Variants in BMPR2 observed in about 807,000 individuals in gnomAD.
BMPR2 encodes the protein bone morphogenetic protein receptor type-2.
A neutral mutation model predicts 100.8 loss-of-function variants in BMPR2; 29 were observed. That is an observed-to-expected ratio of 0.29 (90% CI 0.21 to 0.39). BMPR2 has a LOEUF of 0.39. Among genes scored for constraint, BMPR2 ranks in the 10% least tolerant of loss-of-function variants. The pLI is 1.00. For synonymous variants in BMPR2, 382 were observed against 442.3 expected, an observed-to-expected ratio of 0.86 and a Z score of 1.71; for missense variants, 1,011 against 1,274.5, an observed-to-expected ratio of 0.79 and a Z score of 3.15.
intron 1 of BMPR2, among the ~76,000 whole-genome samples, chr2:202,404,194 GTT>G (rs747014208): frequency 7.5e-6 from 1 of 133,776 alleles, no homozygotes. Context: ...TCTTTGGGTT[GTT>G]TTTTTTTTTT....
At chr2:202,468,153 G>T (rs1194597238) in intron 3 of BMPR2, among the ~76,000 whole-genome samples, 1 of 151,834 alleles carries the variant, frequency 6.6e-6, no homozygotes. Context: ...GACTTCCAAG[G>T]CATCAATATA....
In BMPR2 at chr2:202,500,698, C is replaced by T. The variant is rs149094475; in HGVS notation, c.419-13021C>T. Among the ~76,000 whole-genome samples, 372 of 152,304 alleles carry T rather than the reference C, an allele frequency of 2.4e-3. 1 individual carries two copies. The highest frequency in any genetic ancestry group is 3.1e-3 in the Non-Finnish European group (211 of 68,026). On this transcript the variant is annotated intron_variant, in intron 3 of 12. Coordinates refer to ENST00000374580, the MANE Select transcript of BMPR2 (RefSeq NM_001204.7). ...CAATTCTGGGAGTACAAAAACCAAA[C>T]GGTCAGTGGAGTCTAGTGCAAGATC...
Position 202,555,507 on chromosome 2 carries a change from C to G in BMPR2, c.1842C>G (p.Thr614=), listed in dbSNP as rs1372907844. ...SVTSLSTNTT[T]TNTTGLTPST... Reference sequence around the variant, plus strand: ...CCAGCCTCTCCACCAACACAACAACCACAAACACCACAGGACTCACGCCAA... The same window carrying G: ...CCAGCCTCTCCACCAACACAACAACGACAAACACCACAGGACTCACGCCAA... The change falls in exon 12 of 13, where the codon ACC becomes ACG. Residue 614 remains threonine, a synonymous_variant. Coordinates refer to ENST00000374580, the MANE Select transcript of BMPR2 (RefSeq NM_001204.7). 4 of 1,613,994 alleles carry G rather than the reference C, an allele frequency of 2.5e-6. No homozygotes were observed. Among genetic ancestry groups the G allele is most frequent in the Non-Finnish European group, 3.4e-6 (4 of 1,179,992 alleles).
At chr2:202,481,283 A>G (rs967913345) in intron 3 of BMPR2, among the ~76,000 whole-genome samples, 40 of 151,990 alleles carry the variant, frequency 2.6e-4, no homozygotes, top group Non-Finnish European at 5.0e-4. Flanking sequence ...GGTTCAAGCA[A>G]TTCTCCTGCC....
chr2:202,530,915 G>C lies in BMPR2; in HGVS notation c.1089G>C (p.Leu363=). 2 of 1,614,114 alleles carry C rather than the reference G, an allele frequency of 1.2e-6. No individual in the cohort carries two copies. The highest frequency in any genetic ancestry group is 1.7e-6 in the Non-Finnish European group (2 of 1,180,012). ...GLSMRLTGNR[L]VRPGEEDNAA... is the part of the protein sequence containing the mutation. Reference sequence around the variant, plus strand: ...CCATGAGGCTGACTGGAAATAGACTGGTGCGCCCAGGGGAGGAAGATAATG... The same window carrying C: ...CCATGAGGCTGACTGGAAATAGACTCGTGCGCCCAGGGGAGGAAGATAATG... The change falls in exon 8 of 13, where the codon CTG becomes CTC. Residue 363 remains leucine, a synonymous_variant. Coordinates refer to ENST00000374580, the MANE Select transcript of BMPR2 (RefSeq NM_001204.7).
In BMPR2 at chr2:202,555,848, A is replaced by G; in HGVS notation, c.2183A>G (p.Asn728Ser). 1 of 1,614,118 alleles carries G rather than the reference A, an allele frequency of 6.2e-7. No homozygotes were observed. Among genetic ancestry groups the G allele is most frequent in the South Asian group, 1.1e-5 (1 of 91,072 alleles). ...TGQQDFTQTANGQACLIPDVL... is the reference protein window; with the variant it reads ...TGQQDFTQTASGQACLIPDVL... ...CAGCAGGACTTCACACAGACTGCAA[A>G]TGGCCAAGCATGTTTGATTCCTGAT... The change falls in exon 12 of 13, where the codon AAT becomes AGT. Residue 728 changes from asparagine (N) to serine (S), a missense_variant. Physicochemically the swap from Asn to Ser is conservative, Grantham distance 46. Coordinates refer to ENST00000374580, the MANE Select transcript of BMPR2 (RefSeq NM_001204.7).
chr2:202,384,415 G>A (rs1690372967), intron 1 of BMPR2, among the ~76,000 whole-genome samples: 1 of 152,168 alleles, frequency 6.6e-6, no homozygotes, highest in Admixed American at 6.5e-5. Flanking sequence ...ATTGGCCTAA[G>A]AATTTTAGAT....
chr2:202,412,589 G>T (rs575373970), intron 1 of BMPR2, among the ~76,000 whole-genome samples: 1 of 152,144 alleles, frequency 6.6e-6, no homozygotes, highest in East Asian at 1.9e-4. Context: ...AAAGTGCTGG[G>T]ATTACAGGCG....
intron 10 of BMPR2, among the ~76,000 whole-genome samples, chr2:202,544,580 A>G (rs1056560422): frequency 6.6e-6 from 1 of 151,620 alleles, no homozygotes; most frequent in African/African-American, 2.4e-5. Flanking sequence ...TTTTTGTTTT[A>G]TCCTCTTAAT....
At chr2:202,468,024 G>C (rs1003424682) in intron 3 of BMPR2, among the ~76,000 whole-genome samples, 1 of 152,180 alleles carries the variant, frequency 6.6e-6, no homozygotes, top group South Asian at 2.1e-4. Flanking sequence ...TCCAGCCTGG[G>C]CAACAAGAGT....
At chr2:202,439,080 T>A (rs1031295374) in intron 1 of BMPR2, among the ~76,000 whole-genome samples, 1 of 150,434 alleles carries the variant, frequency 6.6e-6, no homozygotes, top group African/African-American at 2.5e-5. Flanking sequence ...AAATATTAAG[T>A]CTTATAATCA....
chr2:202,492,042 G>A (rs1692912322), intron 3 of BMPR2, among the ~76,000 whole-genome samples: 1 of 152,012 alleles, frequency 6.6e-6, no homozygotes, highest in Non-Finnish European at 1.5e-5. Flanking sequence ...TTACTGAACT[G>A]AAGAAGCAAG....
intron 1 of BMPR2, among the ~76,000 whole-genome samples, chr2:202,380,922 G>GCC (rs1429446073): frequency 9.6e-6 from 1 of 104,138 alleles, no homozygotes; most frequent in Non-Finnish European, 2.3e-5. Context: ...CCTGGCCCTG[G>GCC]CCCTGGCCCT....
chr2:202,440,148 C>T (rs1691702868), intron 1 of BMPR2, among the ~76,000 whole-genome samples: 1 of 150,796 alleles, frequency 6.6e-6, no homozygotes, highest in Non-Finnish European at 1.5e-5. Context: ...ACAATCTGAT[C>T]TCTCTTTCTT....
chr2:202,402,337 T>G (rs962034084), intron 1 of BMPR2, among the ~76,000 whole-genome samples: 1 of 151,710 alleles, frequency 6.6e-6, no homozygotes, highest in Admixed American at 6.6e-5. Context: ...ACCAACATGG[T>G]GAAACCCTGT....
chr2:202,497,409 A>G (rs1693060244), intron 3 of BMPR2, among the ~76,000 whole-genome samples: 1 of 152,196 alleles, frequency 6.6e-6, no homozygotes, highest in African/African-American at 2.4e-5. Context: ...CTTATTGGCC[A>G]GTTAAAAGTG....
chr2:202,451,594 G>T (rs967932943), intron 1 of BMPR2, among the ~76,000 whole-genome samples: 1 of 152,104 alleles, frequency 6.6e-6, no homozygotes, highest in Admixed American at 6.5e-5. Flanking sequence ...AGCTACTCGG[G>T]TGGCTGAGGC....
chr2:202,386,978 C>A (rs1238797892), intron 1 of BMPR2, among the ~76,000 whole-genome samples: 1 of 152,114 alleles, frequency 6.6e-6, no homozygotes, highest in African/African-American at 2.4e-5. Context: ...CCACTGCGCC[C>A]GGGCAGACCC....
At chr2:202,485,640 G>A (rs559904042) in intron 3 of BMPR2, among the ~76,000 whole-genome samples, 8 of 135,674 alleles carry the variant, frequency 5.9e-5, no homozygotes, top group African/African-American at 2.2e-4. Context: ...TCTGCCTCCC[G>A]GGTTCAACGG....
Sources: gnomAD v4.1 joint callset for allele counts (sites outside exome capture counted in the v4.1 genomes callset) on GRCh38, gnomAD v4.1.1 for gene constraint, MANE v1.5 for transcripts, NCBI Gene and HGNC (gene_info 2026-07-23, HGNC 2026-07-21) for gene names.